Variants in TENT4B observed in about 807,000 individuals in gnomAD.
The protein encoded by TENT4B is terminal nucleotidyltransferase 4B.
Under a neutral mutation model 75.0 loss-of-function variants are expected in TENT4B, and 10 were observed. That is an observed-to-expected ratio of 0.13 (90% CI 0.08 to 0.23). TENT4B has a LOEUF of 0.23. Among genes scored for constraint, TENT4B ranks in the 10% least tolerant of loss-of-function variants. The pLI, the probability that TENT4B is intolerant of heterozygous loss-of-function variation, is 1.00. For synonymous variants in TENT4B, 350 were observed against 357.7 expected (o/e 0.98, Z 0.24); for missense variants, 579 against 893.8 (o/e 0.65, Z 4.49).
intron 1 of TENT4B, among the ~76,000 whole-genome samples, chr16:50,188,098 AC>A (rs1307204471): frequency 6.6e-6 from 1 of 152,210 alleles, no homozygotes; most frequent in Non-Finnish European, 1.5e-5. Context: ...AAATAAGTTT[AC>A]AAGTTAAAGA....
intron 1 of TENT4B, among the ~76,000 whole-genome samples, chr16:50,178,018 A>G (rs1198418076): frequency 6.7e-6 from 1 of 150,366 alleles, no homozygotes; most frequent in African/African-American, 2.5e-5. Context: ...GTATTTTGGG[A>G]TTTTTCTGGC....
rs142520410 is a variant in TENT4B, at chr16:50,224,013, G to A, written c.1381+626G>A. 5.9e-5 allele frequency among the ~76,000 whole-genome samples: 9 copies of A among 152,246 alleles called. No homozygotes were observed. The East Asian group carries it at 1.5e-3, about 26-fold the overall frequency. On this transcript the variant is annotated intron_variant, in intron 7 of 11. Coordinates refer to ENST00000561678, the MANE Select transcript of TENT4B (RefSeq NM_001365324.3). ...GATATAATTGTAAAATAGATTCTGC[G>A]TTATTGGACTTCAGTGGAAGTGCTT...
intron 5 of TENT4B, among the ~76,000 whole-genome samples, chr16:50,218,848 A>C (rs1200494192): frequency 6.6e-6 from 1 of 152,146 alleles, no homozygotes; most frequent in Non-Finnish European, 1.5e-5. Context: ...AACATTTTAC[A>C]TACTTAGGTA....
chr16:50,226,041 C>A (rs2032038133), intron 10 of TENT4B, among the ~76,000 whole-genome samples: 1 of 151,626 alleles, frequency 6.6e-6, no homozygotes, highest in African/African-American at 2.4e-5. Context: ...GCTCTGTCAC[C>A]CAGGCTGGAA....
intron 1 of TENT4B, among the ~76,000 whole-genome samples, chr16:50,190,522 T>G (rs1417495879): frequency 6.6e-6 from 1 of 152,034 alleles, no homozygotes; most frequent in Non-Finnish European, 1.5e-5. Flanking sequence ...CTGCATATTT[T>G]ATATAAATGG....
At chr16:50,205,955 A>G (rs1214321191) in intron 1 of TENT4B, among the ~76,000 whole-genome samples, 1 of 151,978 alleles carries the variant, frequency 6.6e-6, no homozygotes, top group Admixed American at 6.6e-5. Context: ...TTTTCTTTCC[A>G]ATTTAACATA....
At chr16:50,157,560 A>T (rs12920756) in intron 1 of TENT4B, among the ~76,000 whole-genome samples, 2,294 of 152,270 alleles carry the variant, frequency 0.015, 27 homozygotes, top group Middle Eastern at 0.034. Context: ...TTTGCTTTTT[A>T]AAACATTTTT....
chr16:50,173,029 G>A (rs1408227241), intron 1 of TENT4B, among the ~76,000 whole-genome samples: 1 of 151,824 alleles, frequency 6.6e-6, no homozygotes, highest in African/African-American at 2.4e-5. Flanking sequence ...CAAACTCTCC[G>A]CCTCCTGGGT....
At chr16:50,224,633 A>G (rs1289955576) in intron 7 of TENT4B, 24 bp from the exon 8 acceptor site, 16 of 1,613,252 alleles carry the variant, frequency 9.9e-6, no homozygotes, top group African/African-American at 4.0e-5. Flanking sequence ...CAGGCTTACT[A>G]TGTTACGTAT....
At position 50,231,445 on chromosome 16, in the gene TENT4B, A is replaced by G; in HGVS notation, c.*2117A>G. ...CAGAGATCTATGTTACATTTACCACACTGAAGTTTTTTTTGTTGTTTTTTG... is the reference window on the plus strand; with the variant it reads ...CAGAGATCTATGTTACATTTACCACGCTGAAGTTTTTTTTGTTGTTTTTTG... On this transcript the variant is annotated 3_prime_UTR_variant, in exon 12 of 12. Coordinates refer to ENST00000561678, the MANE Select transcript of TENT4B (RefSeq NM_001365324.3). 1.0e-6 allele frequency: 1 copy of G among 985,582 alleles called. No individual in the cohort carries two copies. The highest frequency in any genetic ancestry group is 1.2e-6 in the Non-Finnish European group (1 of 829,732). 61.1% of individuals were successfully genotyped at this position (985,582 alleles called of 1,614,324 possible).
chr16:50,206,573 G>C (rs950142858), intron 1 of TENT4B, among the ~76,000 whole-genome samples: 3 of 152,094 alleles, frequency 2.0e-5, no homozygotes, highest in Admixed American at 6.5e-5. Flanking sequence ...TGTCTGGGCA[G>C]GTATCTCTTG....
At position 50,182,607 on chromosome 16, in the gene TENT4B, C is replaced by CT. The variant is rs550390336; in HGVS notation, c.638+28355dup. On this transcript the variant is annotated intron_variant, in intron 1 of 11. Transcript: ENST00000561678. The stretch of plus-strand genomic sequence containing the variant: ...GTATTTATATAGTTGACATATATAG[C>CT]TTTTTTTGTAAATACACTTTCCTAT... Among the ~76,000 whole-genome samples the CT allele has an allele frequency of 2.4e-4, 36 of 152,154 alleles. No individual in the cohort carries two copies. In the South Asian group the frequency reaches 7.1e-3, roughly 30 times the overall value.
intron 1 of TENT4B, among the ~76,000 whole-genome samples, chr16:50,191,279 A>C (rs2038632866): frequency 6.6e-6 from 1 of 152,086 alleles, no homozygotes; most frequent in East Asian, 1.9e-4. Flanking sequence ...TTTTTGAGGA[A>C]GTGCCATGCT....
At chr16:50,226,283 G>T (rs1234821117) in intron 10 of TENT4B, among the ~76,000 whole-genome samples, 1 of 152,166 alleles carries the variant, frequency 6.6e-6, no homozygotes, top group African/African-American at 2.4e-5. Context: ...TTACAGGCGT[G>T]AGCCCAGCTG....
At chr16:50,200,239 G>A (rs2030547513) in intron 1 of TENT4B, among the ~76,000 whole-genome samples, 1 of 151,856 alleles carries the variant, frequency 6.6e-6, no homozygotes, top group African/African-American at 2.4e-5. Flanking sequence ...GGTCTTATGT[G>A]CCTATAGTCC....
At chr16:50,216,001 C>CTA (rs2031532991) in intron 3 of TENT4B, 74 bp from the exon 4 acceptor site, 11 of 1,576,212 alleles carry the variant, frequency 7.0e-6, no homozygotes, top group Non-Finnish European at 8.7e-6. Flanking sequence ...CTAATGAAGT[C>CTA]TATAAGCATG....
intron 1 of TENT4B, among the ~76,000 whole-genome samples, chr16:50,197,001 G>A (rs950959876): frequency 2.6e-5 from 4 of 151,786 alleles, no homozygotes; most frequent in African/African-American, 7.3e-5. Flanking sequence ...CAGCTACTTG[G>A]GAGGCTAAGT....
At chr16:50,219,123 T>C (rs1473960611) in intron 5 of TENT4B, among the ~76,000 whole-genome samples, 1 of 152,202 alleles carries the variant, frequency 6.6e-6, no homozygotes, top group East Asian at 1.9e-4. Flanking sequence ...TCTAATATTT[T>C]CTTTTTCTGG....
chr16:50,222,202 ATC>A, intron 5 of TENT4B, 102 bp from the exon 6 acceptor site: 4 of 1,071,078 alleles, frequency 3.7e-6, no homozygotes, highest in Non-Finnish European at 4.0e-6. Context: ...TATGTTGTAT[ATC>A]TCTACCAAAT....
Sources: gnomAD v4.1 joint callset for allele counts (sites outside exome capture counted in the v4.1 genomes callset) on GRCh38, gnomAD v4.1.1 for gene constraint, MANE v1.5 for transcripts, NCBI Gene and HGNC (gene_info 2026-07-23, HGNC 2026-07-21) for gene names.